FCHO2: variants seen among roughly 807,000 people sequenced by gnomAD.
FCHO2 encodes F-BAR domain only protein 2.
A neutral mutation model predicts 114.1 loss-of-function variants in FCHO2; 43 were observed. The observed-to-expected ratio is 0.38, with a 90% CI of 0.30 to 0.49. FCHO2 has a LOEUF of 0.49. FCHO2 is among the 20% of genes least tolerant of loss of function. The pLI is 0.97. For missense variants in FCHO2, 807 were observed against 950.4 expected, an observed-to-expected ratio of 0.85 and a Z score of 1.98; for synonymous variants, 293 against 315.2, an observed-to-expected ratio of 0.93 and a Z score of 0.75.
At chr5:73,034,788 C>A (rs986137327) in intron 9 of FCHO2, 87 bp downstream of exon 9, 2 of 1,085,806 alleles carry the variant, frequency 1.8e-6, no homozygotes, top group Non-Finnish European at 2.6e-6. Context: ...GGACTGCTAT[C>A]CCTAGGTGTC....
intron 8 of FCHO2, chr5:73,020,680 A>G: frequency 4.3e-6 from 5 of 1,152,086 alleles, no homozygotes; most frequent in Non-Finnish European, 6.6e-6. Context: ...CGCAAGGAAC[A>G]GTTTGGTCTC....
intron 1 of FCHO2, among the ~76,000 whole-genome samples, chr5:72,967,890 G>A (rs1752288077): frequency 6.6e-6 from 1 of 151,610 alleles, no homozygotes; most frequent in South Asian, 2.1e-4. Context: ...AAAATGCTGG[G>A]ATTACAGGCG....
intron 7 of FCHO2, among the ~76,000 whole-genome samples, chr5:73,016,299 A>AAG (rs1755306205): frequency 2.3e-5 from 2 of 86,846 alleles, no homozygotes; most frequent in Non-Finnish European, 4.5e-5. Flanking sequence ...AAATTTAAAA[A>AAG]ATATTTTAAA....
At chr5:73,014,248 T>C (rs566442269) in intron 6 of FCHO2, among the ~76,000 whole-genome samples, 173 of 152,136 alleles carry the variant, frequency 1.1e-3, no homozygotes, top group African/African-American at 4.0e-3. Context: ...GCCATCTCTT[T>C]TGGGGATTGT....
At chr5:73,006,935 G>A (rs2112716559) in intron 6 of FCHO2, among the ~76,000 whole-genome samples, 1 of 152,286 alleles carries the variant, frequency 6.6e-6, no homozygotes, top group East Asian at 1.9e-4. Context: ...AGTGAGGGAA[G>A]ACAGACACAA....
intron 8 of FCHO2, among the ~76,000 whole-genome samples, chr5:73,032,808 G>A (rs1756304615): frequency 6.6e-6 from 1 of 152,060 alleles, no homozygotes; most frequent in African/African-American, 2.4e-5. Flanking sequence ...GAGAATTTTT[G>A]ACTAACCACA....
intron 10 of FCHO2, among the ~76,000 whole-genome samples, chr5:73,040,498 A>G (rs1756751944): frequency 6.6e-6 from 1 of 152,222 alleles, no homozygotes; most frequent in African/African-American, 2.4e-5. Flanking sequence ...TAGAGTGCAT[A>G]CATGGAAATT....
At chr5:73,027,530 T>G (rs1756005717) in intron 8 of FCHO2, among the ~76,000 whole-genome samples, 1 of 152,228 alleles carries the variant, frequency 6.6e-6, no homozygotes, top group Non-Finnish European at 1.5e-5. Context: ...TCTATTTCCT[T>G]TAGTTGAAGT....
Position 73,027,369 on chromosome 5 carries a change from CT to C in FCHO2, c.797-7275del, listed in dbSNP as rs1219325280. ...CTATTTTCTCCCAGTCTGGCTTGTT[CT>C]TTTTTTTTTTTTCCGGTGTTTTTGA... is the stretch of plus-strand genomic sequence containing the variant. On this transcript the variant is annotated intron_variant, in intron 8 of 25. Transcript: ENST00000430046. Among the ~76,000 whole-genome samples the C allele has an allele frequency of 6.7e-3, 922 of 136,658 alleles. 7 individuals are homozygous for C. Among genetic ancestry groups the C allele is most frequent in the African/African-American group, 0.021 (777 of 37,754 alleles). 89.7% of individuals were successfully genotyped at this position (136,658 alleles called of 152,430 possible). A position where few individuals can be genotyped will look rare whatever the true frequency, so the allele number is the denominator to read the frequency against.
intron 8 of FCHO2, among the ~76,000 whole-genome samples, chr5:73,033,623 A>G (rs1756347916): frequency 6.6e-6 from 1 of 152,124 alleles, no homozygotes; most frequent in Admixed American, 6.5e-5. Flanking sequence ...AGCAAGTTAT[A>G]CCAGTTACCA....
chr5:72,990,368 CTAAA>C (rs1753754325), intron 3 of FCHO2, 106 bp from the exon 4 acceptor site: 1 of 761,898 alleles, frequency 1.3e-6, no homozygotes, highest in African/African-American at 1.9e-5. Flanking sequence ...CATCTTTTGC[CTAAA>C]TAAAGTTGCC....
intron 5 of FCHO2, chr5:72,997,559 C>T: frequency 7.5e-7 from 1 of 1,327,422 alleles, no homozygotes; most frequent in Non-Finnish European, 1.1e-6. Flanking sequence ...CCTTCTCAAC[C>T]TGCTCCCGAT....
At chr5:72,968,917 C>T (rs1336122032) in intron 2 of FCHO2, among the ~76,000 whole-genome samples, 1 of 152,116 alleles carries the variant, frequency 6.6e-6, no homozygotes, top group African/African-American at 2.4e-5. Flanking sequence ...GTTAACCATG[C>T]TAAAATAATT....
chr5:73,011,918 A>G (rs1317880557), intron 6 of FCHO2, among the ~76,000 whole-genome samples: 3 of 152,086 alleles, frequency 2.0e-5, no homozygotes, highest in African/African-American at 7.2e-5. Flanking sequence ...TCAGGAAAAA[A>G]AAAAAAAGTA....
At chr5:73,034,788 C>T in intron 9 of FCHO2, 87 bp downstream of exon 9, 1 of 1,085,808 alleles carries the variant, frequency 9.2e-7, no homozygotes, top group Non-Finnish European at 1.3e-6. Context: ...GGACTGCTAT[C>T]CCTAGGTGTC....
intron 3 of FCHO2, 103 bp from the exon 4 acceptor site, chr5:72,990,375 A>C (rs1254376989): frequency 2.5e-6 from 2 of 806,800 alleles, no homozygotes; most frequent in East Asian, 6.4e-5. Context: ...TGCCTAAATA[A>C]AGTTGCCATA....
In FCHO2 at chr5:73,015,597, A is replaced by G. The variant is rs1755265198; in HGVS notation, c.601-29A>G. The G allele has an allele frequency of 3.0e-6, 4 of 1,318,524 alleles. No homozygotes were observed. The South Asian group carries it at 5.3e-5, about 17-fold the overall frequency. 81.7% of individuals were successfully genotyped at this position (1,318,524 alleles called of 1,614,324 possible). On this transcript the variant is annotated intron_variant, in intron 6 of 25. Coordinates refer to ENST00000430046, the MANE Select transcript of FCHO2 (RefSeq NM_138782.3). ...ATATGTATGTACCTGTATATGTTAT[A>G]AATCTATAACTTTGTATATGTTACC...
chr5:72,997,181 C>T (rs1022326207), intron 5 of FCHO2: 13 of 1,132,782 alleles, frequency 1.1e-5, no homozygotes, highest in Non-Finnish European at 1.6e-5. Context: ...TGGAACGCCT[C>T]CTGACTTCAT....
intron 2 of FCHO2, among the ~76,000 whole-genome samples, chr5:72,975,418 C>G (rs888532314): frequency 2.0e-5 from 3 of 152,166 alleles, no homozygotes; most frequent in Non-Finnish European, 4.4e-5. Context: ...CTTCTGCCCC[C>G]TGGATTCAAG....
Sources: allele counts gnomAD v4.1 joint callset (sites outside exome capture counted in the v4.1 genomes callset), GRCh38; gene constraint gnomAD v4.1.1; transcripts MANE v1.5; gene names NCBI Gene and HGNC (gene_info 2026-07-23, HGNC 2026-07-21).